The following IFTAP variants were observed in gnomAD, a reference collection of about 807,000 sequenced individuals.
The protein encoded by IFTAP is intraflagellar transport-associated protein.
A neutral mutation model predicts 19.4 loss-of-function variants in IFTAP; 19 were observed. That is an observed-to-expected ratio of 0.98 (90% confidence interval 0.68 to 1.44). The LOEUF (loss-of-function observed/expected upper bound fraction) is 1.44, where lower values mean the gene tolerates loss of function less well. Ranked by LOEUF, IFTAP falls within the 40% of genes most tolerant of loss-of-function variation. IFTAP has a pLI of 0.00. For synonymous variants in IFTAP, 85 were observed against 83.5 expected (o/e 1.02, Z -0.10); for missense variants, 240 against 253.6 (o/e 0.95, Z 0.36).
chr11:36,653,379 A>G (rs541348647), intron 5 of IFTAP, among the ~76,000 whole-genome samples: 2 of 152,274 alleles, frequency 1.3e-5, no homozygotes, highest in South Asian at 4.1e-4. Context: ...AAATCCACAT[A>G]TTTCTTTCAG....
At chr11:36,630,856 G>A (rs1053779361) in intron 2 of IFTAP, among the ~76,000 whole-genome samples, 1 of 151,320 alleles carries the variant, frequency 6.6e-6, no homozygotes, top group Non-Finnish European at 1.5e-5. Flanking sequence ...CTGAGGCATG[G>A]CAGTAGCCAC....
rs548382108 is a variant in IFTAP at position 36,608,528 on chromosome 11, A to C, written c.-23-1553A>C. Among the ~76,000 whole-genome samples the C allele has an allele frequency of 3.5e-4, 54 of 152,350 alleles. 1 individual carries two copies. The highest frequency in any genetic ancestry group is 1.4e-3 in the Admixed American group (21 of 15,306). ...AATTTTCTCAAAGCTATGTAAGAAG[A>C]ATACTTTATGCAGAATGAATGGAGT... is the stretch of plus-strand genomic sequence containing the variant. On this transcript the variant is annotated intron_variant, in intron 1 of 5. Transcript: ENST00000334307.
chr11:36,610,033 G>C, intron 1 of IFTAP, 48 bp from the exon 2 acceptor site: 1 of 1,522,034 alleles, frequency 6.6e-7, no homozygotes, highest in East Asian at 2.3e-5. Context: ...TTTTCAAAGG[G>C]GCTGGTATTG....
intron 2 of IFTAP, among the ~76,000 whole-genome samples, chr11:36,626,672 T>C (rs1852527536): frequency 6.6e-6 from 1 of 151,282 alleles, no homozygotes; most frequent in East Asian, 1.9e-4. Flanking sequence ...TTTCAGATTA[T>C]TTCATATAAA....
chr11:36,649,596 A>G (rs951002317), intron 5 of IFTAP, among the ~76,000 whole-genome samples: 1 of 152,158 alleles, frequency 6.6e-6, no homozygotes, highest in African/African-American at 2.4e-5. Context: ...ATTGTTACAA[A>G]GTGGTTTTAA....
chr11:36,616,321 T>G (rs1351515379), intron 2 of IFTAP, among the ~76,000 whole-genome samples: 1 of 152,024 alleles, frequency 6.6e-6, no homozygotes, highest in African/African-American at 2.4e-5. Flanking sequence ...CATTCTTAGT[T>G]TTCTTTATGC....
chr11:36,629,366 A>G (rs2901704), intron 2 of IFTAP, among the ~76,000 whole-genome samples: 14,754 of 151,224 alleles, frequency 0.098, 1,258 homozygotes, highest in African/African-American at 0.16. Context: ...CCTTCTAGCA[A>G]TATATTCAAT....
chr11:36,601,337 G>A (rs1851502360), intron 1 of IFTAP, among the ~76,000 whole-genome samples: 1 of 152,152 alleles, frequency 6.6e-6, no homozygotes, highest in Non-Finnish European at 1.5e-5. Context: ...GGAAGGAAGA[G>A]GAAATGTATA....
intron 5 of IFTAP, among the ~76,000 whole-genome samples, chr11:36,653,167 A>T (rs1014711658): frequency 1.3e-5 from 2 of 152,144 alleles, no homozygotes; most frequent in Non-Finnish European, 2.9e-5. Context: ...TGCTGCCATT[A>T]TTGATGTAAG....
intron 4 of IFTAP, among the ~76,000 whole-genome samples, chr11:36,643,300 G>A (rs780738971): frequency 6.6e-6 from 1 of 152,088 alleles, no homozygotes; most frequent in South Asian, 2.1e-4. Context: ...GGGATGTGAA[G>A]GACCTCTTCA....
rs560527986 is a variant in IFTAP at position 36,651,017 on chromosome 11, C to T, written c.498+2862C>T. 4.6e-5 allele frequency among the ~76,000 whole-genome samples: 7 copies of T among 152,200 alleles called. 1 individual carries two copies. The South Asian group carries it at 6.2e-4, about 14-fold the overall frequency. Reference sequence around the variant, plus strand: ...TGTGAATAATGCCGCAATAAACATACGTGTGCATGTGTCTTTATAGCAGCA... The same window carrying T: ...TGTGAATAATGCCGCAATAAACATATGTGTGCATGTGTCTTTATAGCAGCA... On this transcript the variant is annotated intron_variant, in intron 5 of 5. Transcript: ENST00000334307.
chr11:36,626,115 C>T lies in IFTAP; in HGVS notation c.137-7169C>T, dbSNP rs781461927. Among the ~76,000 whole-genome samples, 61 of 151,076 alleles carry T rather than the reference C, an allele frequency of 4.0e-4. 1 individual carries two copies. The highest frequency in any genetic ancestry group is 7.2e-4 in the Non-Finnish European group (49 of 68,024). ...ATTTGTTGATTGATTTTAGTACTAG[C>T]GTCTTTGCACCCTTCTTACTTATGG... On this transcript the variant is annotated intron_variant, in intron 2 of 5. Transcript: ENST00000334307.
At chr11:36,617,188 T>C (rs1852124030) in intron 2 of IFTAP, among the ~76,000 whole-genome samples, 1 of 149,354 alleles carries the variant, frequency 6.7e-6, no homozygotes, top group South Asian at 2.1e-4. Flanking sequence ...TTTATTTGTA[T>C]ATTTATTTGT....
intron 2 of IFTAP, among the ~76,000 whole-genome samples, chr11:36,620,728 G>A (rs776917559): frequency 6.6e-6 from 1 of 151,860 alleles, no homozygotes; most frequent in Non-Finnish European, 1.5e-5. Flanking sequence ...TTTTGGCAGT[G>A]TTTTTAATGC....
chr11:36,641,679 G>T (rs1853206893), intron 4 of IFTAP, among the ~76,000 whole-genome samples: 1 of 152,146 alleles, frequency 6.6e-6, no homozygotes, highest in African/African-American at 2.4e-5. Flanking sequence ...TTGCTGAGGA[G>T]TGCTTTACTT....
chr11:36,651,242 A>G (rs998770611), intron 5 of IFTAP, among the ~76,000 whole-genome samples: 137 of 152,128 alleles, frequency 9.0e-4, no homozygotes, highest in Non-Finnish European at 1.6e-3. Flanking sequence ...TTTAATGATC[A>G]CCATTCTAAC....
chr11:36,613,425 G>A (rs946517169), intron 2 of IFTAP, among the ~76,000 whole-genome samples: 2 of 151,946 alleles, frequency 1.3e-5, no homozygotes, highest in Admixed American at 6.6e-5. Context: ...TTCTGTGAGT[G>A]TCTTGTTATG....
rs555395862 is a variant in IFTAP at position 36,643,247 on chromosome 11, A to G, written c.359-4769A>G. Among the ~76,000 whole-genome samples the G allele has an allele frequency of 3.3e-5, 5 of 152,324 alleles. No individual in the cohort carries two copies. In the Middle Eastern group the frequency reaches 0.014, roughly 414 times the overall value. The stretch of plus-strand genomic sequence containing the variant: ...AATCAAGAGTGAACTCCCATTCACA[A>G]TTGCTTCAAAGAGAATAAAATACCT... On this transcript the variant is annotated intron_variant, in intron 4 of 5. Coordinates refer to ENST00000334307, the MANE Select transcript of IFTAP (RefSeq NM_138787.4).
intron 4 of IFTAP, among the ~76,000 whole-genome samples, chr11:36,636,922 A>G (rs7102491): frequency 0.15 from 23,025 of 149,970 alleles, 2,491 homozygotes; most frequent in African/African-American, 0.31. Context: ...AAAATCAGGA[A>G]GTTTTTTTTT....
Sources: gnomAD v4.1 joint callset for allele counts (sites outside exome capture counted in the v4.1 genomes callset) on GRCh38, gnomAD v4.1.1 for gene constraint, MANE v1.5 for transcripts, NCBI Gene and HGNC (gene_info 2026-07-23, HGNC 2026-07-21) for gene names.